MIOS: variants seen among roughly 807,000 people sequenced by gnomAD.
MIOS encodes the protein GATOR2 complex protein MIOS.
A neutral mutation model predicts 96.9 loss-of-function variants in MIOS; 52 were observed. That is an observed-to-expected ratio of 0.54 (90% CI 0.43 to 0.68). The LOEUF is 0.68. MIOS is among the 30% of genes least tolerant of loss of function. The probability of loss-of-function intolerance (pLI) is 0.00; values close to 1 mark genes in which losing one functional copy is unlikely to be tolerated. For missense variants in MIOS, 1,005 were observed against 1,052.8 expected (o/e 0.95, Z 0.63); for synonymous variants, 397 against 359.5 (o/e 1.10, Z -1.18).
intron 11 of MIOS, among the ~76,000 whole-genome samples, chr7:7,604,027 A>G (rs1278805204): frequency 1.3e-5 from 2 of 150,658 alleles, no homozygotes; most frequent in African/African-American, 2.4e-5. Flanking sequence ...GAACACATGG[A>G]CACAGTAAGG....
chr7:7,572,497 A>AT lies in MIOS; in HGVS notation c.26dup (p.Leu9PhefsTer8). ...AAACATGAGCGGTACCAAACCTGAT[A>AT]TTTTATGGGCACCACACCATGTTGA... On this transcript the variant is annotated frameshift_variant, in exon 4 of 13. Coordinates refer to ENST00000340080, the MANE Select transcript of MIOS (RefSeq NM_019005.4). LOFTEE classifies it high-confidence loss of function. The surrounding 1 kb of genome is among the most constrained non-coding windows in gnomAD (Gnocchi z 4.8). 6.2e-7 allele frequency: 1 copy of AT among 1,613,324 alleles called. No homozygotes were observed. The highest frequency in any genetic ancestry group is 8.5e-7 in the Non-Finnish European group (1 of 1,179,394).
At position 7,608,396 on chromosome 7, in the gene MIOS, A is replaced by G. The variant is rs1388433368; in HGVS notation, c.*1304A>G. On this transcript the variant is annotated 3_prime_UTR_variant, in exon 13 of 13. Coordinates refer to ENST00000340080, the MANE Select transcript of MIOS (RefSeq NM_019005.4). ...TATAAAAACTAAGATTTGTCAGATTAGTTTGAGGTGTAACCTAAATATTAA... is the reference window on the plus strand; with the variant it reads ...TATAAAAACTAAGATTTGTCAGATTGGTTTGAGGTGTAACCTAAATATTAA... 1 of 152,072 alleles carries G rather than the reference A, an allele frequency of 6.6e-6. No homozygotes were observed. The highest frequency in any genetic ancestry group is 1.5e-5 in the Non-Finnish European group (1 of 67,962). 9.4% of individuals were successfully genotyped at this position (152,072 alleles called of 1,614,324 possible).
At chr7:7,583,692 T>TA (rs3840623) in intron 6 of MIOS, among the ~76,000 whole-genome samples, 15,225 of 152,156 alleles carry the variant, frequency 0.1, 840 homozygotes, top group Middle Eastern at 0.23. Flanking sequence ...TATATTTTCT[T>TA]AAAGATTAGG....
chr7:7,596,678 G>A (rs775188076), intron 11 of MIOS, among the ~76,000 whole-genome samples: 1 of 152,084 alleles, frequency 6.6e-6, no homozygotes, highest in Non-Finnish European at 1.5e-5. Flanking sequence ...CACAAGTTCT[G>A]ACCAATTTAA....
chr7:7,575,005 G>A (rs1783483600), intron 5 of MIOS, among the ~76,000 whole-genome samples: 1 of 151,990 alleles, frequency 6.6e-6, no homozygotes, highest in Non-Finnish European at 1.5e-5. Flanking sequence ...CATTTCCTTT[G>A]AATATCATCT....
In MIOS at chr7:7,585,693, A is replaced by G; in HGVS notation, c.1706A>G (p.Asn569Ser). Residue 569 changes from asparagine (N) to serine (S), a missense_variant, in exon 7 of 13, where the codon AAC becomes AGC. By Grantham distance (46) the Asn-to-Ser change is conservative. Transcript: ENST00000340080. ...TTATCGGGTTATACGGATGAGAAGA[A>G]CTCCCTTTGGAGAGAAATGTGTAGC... ...MALSGYTDEKNSLWREMCSTL... is the reference protein window; with the variant it reads ...MALSGYTDEKSSLWREMCSTL... The G allele has an allele frequency of 2.5e-6, 4 of 1,609,506 alleles. No individual in the cohort carries two copies. The highest frequency in any genetic ancestry group is 3.4e-6 in the Non-Finnish European group (4 of 1,177,936).
chr7:7,607,343 A>C lies in MIOS; in HGVS notation c.*251A>C, dbSNP rs1784560780. 1 of 290,388 alleles carries C rather than the reference A, an allele frequency of 3.4e-6. No homozygotes were observed. The highest frequency in any genetic ancestry group is 8.0e-5 in the South Asian group (1 of 12,502). 18.0% of individuals were successfully genotyped at this position (290,388 alleles called of 1,614,324 possible). A position where few individuals can be genotyped will look rare whatever the true frequency, so the allele number is the denominator to read the frequency against. On this transcript the variant is annotated 3_prime_UTR_variant, in exon 13 of 13. Transcript: ENST00000340080. ...CAGGTTGAAAAGTCTGATTTAGAAA[A>C]ACTTTCTAAGTTTTGGTTGAAATTA...
At chr7:7,601,214 G>A (rs1305268186) in intron 11 of MIOS, among the ~76,000 whole-genome samples, 3 of 151,336 alleles carry the variant, frequency 2.0e-5, no homozygotes, top group African/African-American at 4.8e-5. Flanking sequence ...AAATAACTAA[G>A]ATCAGAGCAG....
At position 7,573,684 on chromosome 7, in the gene MIOS, A is replaced by C. The variant is rs1351168853; in HGVS notation, c.1209A>C (p.Gly403=). ...KMRLRALSRY[G]LDTEQVWRNH... is the part of the protein sequence containing the mutation. ...GTCTTCGGGCTTTATCAAGGTATGG[A>C]CTTGATACAGAGCAGGTGTGGAGGA... The change falls in exon 4 of 13, where the codon GGA becomes GGC. Residue 403 remains glycine, a synonymous_variant. Coordinates refer to ENST00000340080, the MANE Select transcript of MIOS (RefSeq NM_019005.4). This position sits in a 1 kb window ranked among gnomAD's most constrained non-coding sequence, Gnocchi z 5.0. 1.2e-6 allele frequency: 2 copies of C among 1,613,762 alleles called. No homozygotes were observed. The highest frequency in any genetic ancestry group is 1.3e-5 in the African/African-American group (1 of 74,916).
In MIOS at chr7:7,572,955, A is replaced by G. The variant is rs766749922; in HGVS notation, c.480A>G (p.Lys160=). ...CTCCTGATATAGTTCCCATGGAAAA[A>G]GTGAAACTTTCAGCAGGTGAAACTG... ...KYTPDIVPME[K]VKLSAGETET... The change falls in exon 4 of 13, where the codon AAA becomes AAG. Residue 160 remains lysine (K), a synonymous_variant. Coordinates refer to ENST00000340080, the MANE Select transcript of MIOS (RefSeq NM_019005.4). The surrounding 1 kb of genome is among the most constrained non-coding windows in gnomAD (Gnocchi z 4.8). 1.8e-5 allele frequency: 29 copies of G among 1,614,056 alleles called. 1 individual carries two copies. The highest frequency in any genetic ancestry group is 2.5e-5 in the Non-Finnish European group (29 of 1,180,006).
intron 7 of MIOS, among the ~76,000 whole-genome samples, chr7:7,587,199 G>A (rs999927196): frequency 3.3e-5 from 5 of 151,774 alleles, no homozygotes; most frequent in Non-Finnish European, 5.9e-5. Flanking sequence ...TAGTAGAGAC[G>A]GGGTTTCCTC....
chr7:7,576,363 T>A (rs1046205098), intron 5 of MIOS, among the ~76,000 whole-genome samples: 3 of 152,300 alleles, frequency 2.0e-5, no homozygotes, highest in African/African-American at 7.2e-5. Context: ...GAGTTTATAT[T>A]CTAGTTTAGA....
chr7:7,606,205 C>G lies in MIOS; in HGVS notation c.2531+134C>G. ...TATTTTTTACTGTCACTCATGTTAACAAAGGTGGTGTGAACATGTCGTGAT... is the reference window on the plus strand; with the variant it reads ...TATTTTTTACTGTCACTCATGTTAAGAAAGGTGGTGTGAACATGTCGTGAT... On this transcript the variant is annotated intron_variant, in intron 12 of 12. Transcript: ENST00000340080. 3.4e-6 allele frequency: 4 copies of G among 1,185,276 alleles called. No homozygotes were observed. The South Asian group carries it at 5.0e-5, about 15-fold the overall frequency. The allele number at this position is 1,185,276 out of a possible 1,614,324, so 73.4% of individuals were successfully genotyped here.
intron 11 of MIOS, among the ~76,000 whole-genome samples, chr7:7,601,942 C>G (rs1339726499): frequency 2.6e-5 from 4 of 152,134 alleles, no homozygotes; most frequent in Non-Finnish European, 5.9e-5. Context: ...AAATGTAATC[C>G]AGCACATAAA....
intron 3 of MIOS, among the ~76,000 whole-genome samples, chr7:7,569,336 C>G (rs1356632680): frequency 6.6e-6 from 1 of 152,194 alleles, no homozygotes; most frequent in East Asian, 1.9e-4. Flanking sequence ...GAGACTTCAT[C>G]GGCTCATGTT....
rs1784594534 is a variant in MIOS, at chr7:7,608,804, A to G, written c.*1712A>G. 6.6e-6 allele frequency: 1 copy of G among 152,096 alleles called. No individual in the cohort carries two copies. Among genetic ancestry groups the G allele is most frequent in the South Asian group, 2.1e-4 (1 of 4,828 alleles). 9.4% of individuals were successfully genotyped at this position (152,096 alleles called of 1,614,324 possible). The stretch of plus-strand genomic sequence containing the variant: ...TCTCAAATAGTTACAAGTTTTGGAA[A>G]TACAGTATAAAACATGAATGTAAAG... On this transcript the variant is annotated 3_prime_UTR_variant, in exon 13 of 13. Coordinates refer to ENST00000340080, the MANE Select transcript of MIOS (RefSeq NM_019005.4).
At chr7:7,593,430 T>C (rs894101862) in intron 9 of MIOS, among the ~76,000 whole-genome samples, 2 of 152,188 alleles carry the variant, frequency 1.3e-5, no homozygotes, top group African/African-American at 4.8e-5. Context: ...AAGTAAGATA[T>C]ACGCCAGGTT....
chr7:7,594,338 ATTC>A, intron 9 of MIOS, among the ~76,000 whole-genome samples: 1 of 150,092 alleles, frequency 6.7e-6, no homozygotes, highest in South Asian at 2.1e-4. Context: ...ATGGAGTCTC[ATTC>A]TGTCACCCAG....
At position 7,606,794 on chromosome 7, in the gene MIOS, A is replaced by G. The variant is rs1325187081; in HGVS notation, c.2532-202A>G. Among the ~76,000 whole-genome samples the G allele has an allele frequency of 5.9e-5, 9 of 152,272 alleles. No homozygotes were observed. The East Asian group carries it at 1.2e-3, about 20-fold the overall frequency. On this transcript the variant is annotated intron_variant, in intron 12 of 12. Coordinates refer to ENST00000340080, the MANE Select transcript of MIOS (RefSeq NM_019005.4). ...TTGAAAAGTTGCATTATAGATAGAT[A>G]TAAGTAAACAGGTGGGCACAGTGGT...
Sources: allele counts gnomAD v4.1 joint callset (sites outside exome capture counted in the v4.1 genomes callset), GRCh38; gene constraint gnomAD v4.1.1; non-coding constraint Gnocchi (gnomAD v3.1); transcripts MANE v1.5; gene names NCBI Gene and HGNC (gene_info 2026-07-23, HGNC 2026-07-21).